The following ARGLU1 variants were observed in gnomAD, a reference collection of about 807,000 sequenced individuals.
The protein encoded by ARGLU1 is arginine and glutamate rich 1.
In ARGLU1, 9 loss-of-function variants were observed where a neutral mutation model predicts 37.6. The observed-to-expected ratio is 0.24, with a 90% CI of 0.14 to 0.42. ARGLU1 has a LOEUF of 0.42. Ranked by LOEUF, ARGLU1 falls within the 10% of genes least tolerant of loss-of-function variation. The pLI is 1.00. For synonymous variants in ARGLU1, 166 were observed against 138.5 expected (o/e 1.20, Z -1.39); for missense variants, 211 against 359.2 (o/e 0.59, Z 3.34).
Position 106,548,696 on chromosome 13 carries a change from C to T in ARGLU1, c.658-4536G>A, listed in dbSNP as rs866973462. Among the ~76,000 whole-genome samples, 68 of 152,226 alleles carry T rather than the reference C, an allele frequency of 4.5e-4. 1 individual carries two copies. The highest frequency in any genetic ancestry group is 1.6e-3 in the African/African-American group (68 of 41,534). On this transcript the variant is annotated intron_variant, in intron 3 of 3. Transcript: ENST00000400198. Reference sequence around the variant, plus strand: ...AGAAGTACACACACAAAAAAATGTTCCATTATAGTTAAAAGGCCTACTTAC... The same window carrying T: ...AGAAGTACACACACAAAAAAATGTTTCATTATAGTTAAAAGGCCTACTTAC...
At chr13:106,554,177 T>C (rs112382133) in intron 3 of ARGLU1, among the ~76,000 whole-genome samples, 477 of 152,332 alleles carry the variant, frequency 3.1e-3, no homozygotes, top group Admixed American at 5.4e-3. Flanking sequence ...TAGTAACTTT[T>C]TTTGGAGTTG....
intron 3 of ARGLU1, among the ~76,000 whole-genome samples, chr13:106,545,946 G>A (rs1265133656): frequency 6.6e-6 from 1 of 152,166 alleles, no homozygotes; most frequent in Non-Finnish European, 1.5e-5. Flanking sequence ...GGGAGACCTA[G>A]GACTTGCTTC....
rs1401931476 is a variant in ARGLU1, at chr13:106,568,113, C to G, written c.-194G>C. ...GCCTCCAACGAGAAACCCGTAGCGC[C>G]AGGCGCCCCTAAGATGGCAGCTGCG... On this transcript the variant is annotated 5_prime_UTR_variant, in exon 1 of 4. Coordinates refer to ENST00000400198, the MANE Select transcript of ARGLU1 (RefSeq NM_018011.4). 1.2e-6 allele frequency: 1 copy of G among 837,104 alleles called. No individual in the cohort carries two copies. Among genetic ancestry groups the G allele is most frequent in the Non-Finnish European group, 1.7e-6 (1 of 579,696 alleles). The allele number at this position is 837,104 out of a possible 1,614,324, so 51.9% of individuals were successfully genotyped here.
chr13:106,557,993 A>C lies in ARGLU1; in HGVS notation c.574-862T>G. Reference sequence around the variant, plus strand: ...TTCTTCAACTTATTTTTTCTTGGAGAATTTAATGAGATTTTATAATGCAAA... The same window carrying C: ...TTCTTCAACTTATTTTTTCTTGGAGCATTTAATGAGATTTTATAATGCAAA... On this transcript the variant is annotated intron_variant, in intron 2 of 3. Transcript: ENST00000400198. This position sits in a 1 kb window ranked among gnomAD's most constrained non-coding sequence, Gnocchi z 5.0. 1.0e-6 allele frequency: 1 copy of C among 985,404 alleles called. No individual in the cohort carries two copies. The highest frequency in any genetic ancestry group is 1.2e-6 in the Non-Finnish European group (1 of 829,918). The allele number at this position is 985,404 out of a possible 1,614,324, so 61.0% of individuals were successfully genotyped here.
In ARGLU1 at chr13:106,567,659, G is replaced by A. The variant is rs1304539265; in HGVS notation, c.261C>T (p.Arg87=). ...SPPDRIDIFG[R]TVSKRSSLDE... ...CCAGGCTGCTGCGCTTGCTCACCGT[G>A]CGCCCGAAGATGTCGATGCGGTCGG... The change falls in exon 1 of 4, where the codon CGC becomes CGT. Residue 87 remains arginine (R), a synonymous_variant. Transcript: ENST00000400198. The surrounding 1 kb of genome is among the most constrained non-coding windows in gnomAD (Gnocchi z 4.3). 6.2e-7 allele frequency: 1 copy of A among 1,613,396 alleles called. No homozygotes were observed. The highest frequency in any genetic ancestry group is 1.3e-5 in the African/African-American group (1 of 74,848).
chr13:106,556,069 T>C (rs906656214), intron 3 of ARGLU1, among the ~76,000 whole-genome samples: 1 of 152,076 alleles, frequency 6.6e-6, no homozygotes, highest in Non-Finnish European at 1.5e-5. Flanking sequence ...TCTCCTTATA[T>C]GGAATCCCAG....
intron 1 of ARGLU1, 116 bp from the exon 2 acceptor site, chr13:106,559,773 T>C (rs1346580609): frequency 2.0e-5 from 23 of 1,131,208 alleles, no homozygotes; most frequent in Admixed American, 2.7e-5. Context: ...AGTGATTTTT[T>C]CAGAATTCAT....
intron 1 of ARGLU1, among the ~76,000 whole-genome samples, chr13:106,563,770 T>A (rs1394879223): frequency 6.6e-6 from 1 of 152,244 alleles, no homozygotes; most frequent in African/African-American, 2.4e-5. Flanking sequence ...AAAGCTCTTC[T>A]TTGCTCTCAC....
At chr13:106,559,348 C>A in intron 2 of ARGLU1, 84 bp downstream of exon 2, 1 of 1,580,538 alleles carries the variant, frequency 6.3e-7, no homozygotes, top group Non-Finnish European at 8.6e-7. Context: ...TATTCCATCT[C>A]TTTCTGAACT....
chr13:106,567,951 A>ACGCGAGCGAACT lies in ARGLU1; in HGVS notation c.-33_-32insAGTTCGCTCGCG, dbSNP rs754834266. On this transcript the variant is annotated 5_prime_UTR_variant, in exon 1 of 4. Transcript: ENST00000400198. This position sits in a 1 kb window ranked among gnomAD's most constrained non-coding sequence, Gnocchi z 4.3. ...GGGAGACGCTCTAACCGCTCGCCTC[A>ACGCGAGCGAACT]GGCCCCTCACGCGGCCAGTTCCCCT... is the stretch of plus-strand genomic sequence containing the variant. 5.7e-6 allele frequency: 9 copies of ACGCGAGCGAACT among 1,568,938 alleles called. No homozygotes were observed. In the East Asian group the frequency reaches 2.1e-4, roughly 36 times the overall value.
chr13:106,555,144 G>T (rs1053546131), intron 3 of ARGLU1, among the ~76,000 whole-genome samples: 1 of 152,038 alleles, frequency 6.6e-6, no homozygotes, highest in African/African-American at 2.4e-5. Flanking sequence ...GATCACCTGA[G>T]GTCAGGAGTT....
At chr13:106,545,858 A>G (rs1190056158) in intron 3 of ARGLU1, among the ~76,000 whole-genome samples, 3 of 152,122 alleles carry the variant, frequency 2.0e-5, no homozygotes, top group Non-Finnish European at 4.4e-5. Flanking sequence ...AGAGAGCTAA[A>G]ATGTATCTTT....
chr13:106,567,761 C>T lies in ARGLU1; in HGVS notation c.159G>A (p.Glu53=). 2 of 1,612,224 alleles carry T rather than the reference C, an allele frequency of 1.2e-6. No homozygotes were observed. The highest frequency in any genetic ancestry group is 1.7e-6 in the Non-Finnish European group (2 of 1,179,322). The change falls in exon 1 of 4, where the codon GAG becomes GAA. Residue 53 remains glutamate (E), a synonymous_variant. Transcript: ENST00000400198. This position sits in a 1 kb window ranked among gnomAD's most constrained non-coding sequence, Gnocchi z 4.3. The stretch of plus-strand genomic sequence containing the variant: ...TGGTGGAGCGCGAACGGGACCGCGA[C>T]TCCCGCCGCCGGTTCCGTTTACTTT... ...SRESKRNRRR[E]SRSRSRSTNT...
chr13:106,550,655 G>C (rs1880510162), intron 3 of ARGLU1, among the ~76,000 whole-genome samples: 1 of 152,144 alleles, frequency 6.6e-6, no homozygotes, highest in Admixed American at 6.5e-5. Context: ...TTATTATGGA[G>C]TCAAGAAGTC....
Position 106,543,910 on chromosome 13 carries a change from AAAAC to A in ARGLU1, c.*82_*85del. 7.3e-7 allele frequency: 1 copy of A among 1,378,722 alleles called. No individual in the cohort carries two copies. The highest frequency in any genetic ancestry group is 1.4e-5 in the South Asian group (1 of 73,168). The allele number at this position is 1,378,722 out of a possible 1,614,324, so 85.4% of individuals were successfully genotyped here. On this transcript the variant is annotated 3_prime_UTR_variant, in exon 4 of 4. Coordinates refer to ENST00000400198, the MANE Select transcript of ARGLU1 (RefSeq NM_018011.4). ...CCAGATTTTACAAATTAAAAAAACA[AAAAC>A]AAAAACAAAAAACCACTTCAACATG...
intron 3 of ARGLU1, among the ~76,000 whole-genome samples, chr13:106,546,360 G>C (rs1880389936): frequency 6.6e-6 from 1 of 152,064 alleles, no homozygotes; most frequent in South Asian, 2.1e-4. Context: ...TCTATAACCT[G>C]GCTCCAGCTT....
chr13:106,549,029 G>A (rs919989681), intron 3 of ARGLU1, among the ~76,000 whole-genome samples: 1 of 152,188 alleles, frequency 6.6e-6, no homozygotes, highest in African/African-American at 2.4e-5. Context: ...GGGATTACAG[G>A]CGTGAGCCAC....
At chr13:106,563,232 T>G (rs1366315307) in intron 1 of ARGLU1, among the ~76,000 whole-genome samples, 2 of 152,182 alleles carry the variant, frequency 1.3e-5, no homozygotes, top group African/African-American at 4.8e-5. Context: ...CATATAATAT[T>G]GTGCCAAAAG....
rs750404554 is a variant in ARGLU1, at chr13:106,557,257, T to C, written c.574-126A>G. 7 of 834,420 alleles carry C rather than the reference T, an allele frequency of 8.4e-6. No individual in the cohort carries two copies. Among genetic ancestry groups the C allele is most frequent in the Non-Finnish European group, 1.3e-5 (7 of 537,440 alleles). The allele number at this position is 834,420 out of a possible 1,614,324, so 51.7% of individuals were successfully genotyped here. ...AGGGTAGCTTTATAGCTACCTTCTG[T>C]CTGACAAATGATAAACTGTGCAGTC... On this transcript the variant is annotated intron_variant, in intron 2 of 3. Transcript: ENST00000400198. This position sits in a 1 kb window ranked among gnomAD's most constrained non-coding sequence, Gnocchi z 5.0.
Sources: gnomAD v4.1 joint callset for allele counts (sites outside exome capture counted in the v4.1 genomes callset) on GRCh38, gnomAD v4.1.1 for gene constraint, Gnocchi (gnomAD v3.1) non-coding constraint, MANE v1.5 for transcripts, NCBI Gene and HGNC (gene_info 2026-07-23, HGNC 2026-07-21) for gene names.